The following DOCK3 variants were observed in gnomAD, a reference collection of about 807,000 sequenced individuals.
DOCK3 encodes dedicator of cytokinesis 3, also known as dedicator of cytokinesis protein 3.
Under a neutral mutation model 265.6 loss-of-function variants are expected in DOCK3, and 60 were observed. The observed-to-expected ratio is 0.23, with a 90% CI of 0.18 to 0.28. The LOEUF is 0.28. Among genes scored for constraint, DOCK3 ranks in the 10% least tolerant of loss-of-function variants. The pLI, the probability that DOCK3 is intolerant of heterozygous loss-of-function variation, is 1.00. For synonymous variants in DOCK3, 881 were observed against 938.0 expected, an observed-to-expected ratio of 0.94 and a Z score of 1.11; for missense variants, 1,981 against 2,594.3, an observed-to-expected ratio of 0.76 and a Z score of 5.14.
Position 50,970,937 on chromosome 3 carries a change from ATATATATATAAT to A in DOCK3, c.315+36861_315+36872del, listed in dbSNP as rs1175025187. Among the ~76,000 whole-genome samples, 11 of 73,104 alleles carry A rather than the reference ATATATATATAAT, an allele frequency of 1.5e-4. 1 individual carries two copies. Among genetic ancestry groups the A allele is most frequent in the South Asian group, 3.9e-4 (1 of 2,564 alleles). The allele number at this position is 73,104 out of a possible 152,430, so 48.0% of individuals were successfully genotyped here. On this transcript the variant is annotated intron_variant, in intron 5 of 52. Coordinates refer to ENST00000266037, the MANE Select transcript of DOCK3 (RefSeq NM_004947.5). Reference sequence around the variant, plus strand: ...TATATATATATATATATATATATATATATATATATAATGTGTGTGTGTGTGTGTGTATATATA... The same window carrying A: ...TATATATATATATATATATATATATAGTGTGTGTGTGTGTGTGTATATATA...
intron 35 of DOCK3, among the ~76,000 whole-genome samples, chr3:51,334,258 G>T (rs2084720376): frequency 6.6e-6 from 1 of 152,186 alleles, no homozygotes; most frequent in Non-Finnish European, 1.5e-5. Context: ...CTCTCAGCAG[G>T]GTTCAGGTGA....
At chr3:50,808,355 A>G (rs999418455) in intron 2 of DOCK3, among the ~76,000 whole-genome samples, 2 of 152,208 alleles carry the variant, frequency 1.3e-5, no homozygotes, top group Admixed American at 6.5e-5. Context: ...GAAATTGAAC[A>G]GCTGATTATG....
At chr3:50,680,710 T>A (rs1350624568) in intron 1 of DOCK3, among the ~76,000 whole-genome samples, 1 of 151,582 alleles carries the variant, frequency 6.6e-6, no homozygotes, top group Non-Finnish European at 1.5e-5. Context: ...TGGGTCTTGC[T>A]ATTTTACTCA....
intron 2 of DOCK3, among the ~76,000 whole-genome samples, chr3:50,835,220 C>T (rs1015388620): frequency 2.0e-5 from 3 of 152,212 alleles, no homozygotes; most frequent in African/African-American, 7.2e-5. Context: ...AAAATCACCT[C>T]ACATTCACAT....
At chr3:50,768,305 C>G (rs1380650170) in intron 1 of DOCK3, among the ~76,000 whole-genome samples, 5 of 152,076 alleles carry the variant, frequency 3.3e-5, no homozygotes, top group African/African-American at 1.2e-4. Flanking sequence ...AATACCTAAT[C>G]TATTGAGAGT....
At chr3:51,133,956 G>T (rs978471040) in intron 9 of DOCK3, among the ~76,000 whole-genome samples, 1 of 152,152 alleles carries the variant, frequency 6.6e-6, no homozygotes, top group Non-Finnish European at 1.5e-5. Flanking sequence ...GTGGGCCCCA[G>T]TGTCTGTTGT....
chr3:51,222,205 G>C (rs933733439), intron 14 of DOCK3, among the ~76,000 whole-genome samples: 1 of 152,128 alleles, frequency 6.6e-6, no homozygotes, highest in Non-Finnish European at 1.5e-5. Flanking sequence ...CTGCCCTCAT[G>C]CCTCTCTCTC....
intron 35 of DOCK3, among the ~76,000 whole-genome samples, chr3:51,337,323 T>C (rs1443194553): frequency 2.0e-5 from 3 of 152,106 alleles, no homozygotes; most frequent in Non-Finnish European, 4.4e-5. Context: ...GAGAACTGGG[T>C]TTGTCAAATG....
chr3:50,736,961 G>A lies in DOCK3; in HGVS notation c.38-41714G>A, dbSNP rs1485604473. 3.3e-5 allele frequency among the ~76,000 whole-genome samples: 5 copies of A among 152,094 alleles called. No individual in the cohort carries two copies. The East Asian group carries it at 7.7e-4, about 23-fold the overall frequency. ...CCCGCCTCGGCCTCCCAAAGTGCTG[G>A]GATTACAGGTGTGAGCCACTGTGCC... On this transcript the variant is annotated intron_variant, in intron 1 of 52. Coordinates refer to ENST00000266037, the MANE Select transcript of DOCK3 (RefSeq NM_004947.5).
At chr3:50,769,128 T>G (rs2041109195) in intron 1 of DOCK3, among the ~76,000 whole-genome samples, 1 of 151,942 alleles carries the variant, frequency 6.6e-6, no homozygotes, top group South Asian at 2.1e-4. Flanking sequence ...GATATTAACA[T>G]CCCTTGTCAG....
At position 51,214,119 on chromosome 3, in the gene DOCK3, C is replaced by T. The variant is rs1258627568; in HGVS notation, c.1127-3C>T. On this transcript the variant is annotated splice_region_variant and splice_polypyrimidine_tract_variant and intron_variant, in intron 13 of 52. Coordinates refer to ENST00000266037, the MANE Select transcript of DOCK3 (RefSeq NM_004947.5). The stretch of plus-strand genomic sequence containing the variant: ...TTCTAAGAAAATGCTTTTGTTTTTG[C>T]AGGTCTTATCATTTCTCTGCAGCTT... 3.1e-6 allele frequency: 5 copies of T among 1,613,440 alleles called. No homozygotes were observed. In the Admixed American group the frequency reaches 8.3e-5, roughly 27 times the overall value.
chr3:51,258,239 T>G (rs1361747880), intron 22 of DOCK3, among the ~76,000 whole-genome samples: 1 of 151,986 alleles, frequency 6.6e-6, no homozygotes, highest in African/African-American at 2.4e-5. Flanking sequence ...ATTAGAGGAG[T>G]AGTATGGAGC....
intron 7 of DOCK3, 71 bp downstream of exon 7, chr3:51,075,511 T>A: frequency 7.6e-7 from 1 of 1,318,432 alleles, no homozygotes; most frequent in Non-Finnish European, 1.0e-6. Flanking sequence ...TTTTCTCTAA[T>A]GTTATGAAAC....
chr3:51,220,687 A>ATATGTG (rs1553797700), intron 14 of DOCK3, among the ~76,000 whole-genome samples: 1 of 67,586 alleles, frequency 1.5e-5, no homozygotes, highest in African/African-American at 6.0e-5. Context: ...ATATATATAT[A>ATATGTG]TGTGTGTGTG....
chr3:51,122,700 G>A (rs1379151967), intron 9 of DOCK3, among the ~76,000 whole-genome samples: 3 of 152,126 alleles, frequency 2.0e-5, no homozygotes, highest in Non-Finnish European at 4.4e-5. Context: ...CATTTGCATG[G>A]GAAAAGGAAA....
intron 5 of DOCK3, among the ~76,000 whole-genome samples, chr3:51,021,740 C>T (rs183005026): frequency 6.6e-6 from 1 of 151,734 alleles, no homozygotes; most frequent in African/African-American, 2.4e-5. Flanking sequence ...CAGCTCACTG[C>T]AACTTCCGCC....
intron 5 of DOCK3, among the ~76,000 whole-genome samples, chr3:51,015,366 C>G (rs977186687): frequency 1.3e-5 from 2 of 151,830 alleles, no homozygotes; most frequent in African/African-American, 4.8e-5. Flanking sequence ...TTATTAAATG[C>G]TTTTTCAGCA....
At chr3:51,007,221 C>T (rs2078717198) in intron 5 of DOCK3, among the ~76,000 whole-genome samples, 1 of 152,218 alleles carries the variant, frequency 6.6e-6, no homozygotes, top group Non-Finnish European at 1.5e-5. Context: ...AATGGTTGAA[C>T]TAGTTTACAG....
chr3:50,903,208 T>TA (rs2107830056), intron 4 of DOCK3, among the ~76,000 whole-genome samples: 1 of 152,350 alleles, frequency 6.6e-6, no homozygotes, highest in South Asian at 2.1e-4. Flanking sequence ...CTGTGTTGAA[T>TA]AGGAGTGGTG....
Sources: allele counts gnomAD v4.1 joint callset (sites outside exome capture counted in the v4.1 genomes callset), GRCh38; gene constraint gnomAD v4.1.1; transcripts MANE v1.5; gene names NCBI Gene and HGNC (gene_info 2026-07-23, HGNC 2026-07-21).